The following FSTL4 variants were observed in gnomAD, a reference collection of about 807,000 sequenced individuals.
FSTL4 encodes follistatin-related protein 4.
A neutral mutation model predicts 78.2 loss-of-function variants in FSTL4; 28 were observed. The observed-to-expected ratio is 0.36, with a 90% CI of 0.27 to 0.49. The LOEUF (loss-of-function observed/expected upper bound fraction) is 0.49. FSTL4 is among the 20% of genes least tolerant of loss of function. The probability of loss-of-function intolerance (pLI) is 0.98; values close to 1 mark genes in which losing one functional copy is unlikely to be tolerated. For synonymous variants in FSTL4, 422 were observed against 440.5 expected (o/e 0.96, Z 0.53); for missense variants, 922 against 1,084.9 (o/e 0.85, Z 2.11).
At chr5:133,699,789 G>A in the FSTL4 span, among the ~76,000 whole-genome samples, 1 of 146,914 alleles carries the variant, frequency 6.8e-6, no homozygotes, top group African/African-American at 2.5e-5. Context: ...GCTGAGGCAG[G>A]AGAATGGCGT....
chr5:133,663,822 C>A, the FSTL4 span, among the ~76,000 whole-genome samples: 41 of 152,334 alleles, frequency 2.7e-4, 2 homozygotes, highest in Admixed American at 2.3e-3. Context: ...AGACCAGGGC[C>A]TTTGACAACT....
rs745876363 is a variant in FSTL4 at position 133,199,570 on chromosome 5, T to C, written c.2054A>G (p.Asn685Ser). The stretch of plus-strand genomic sequence containing the variant: ...GTGTGGGGTGCCTGTTACATCACCA[T>C]TGGGGCCAAGCACAGAGTCTGTGAC... ...DSVTDSVLGPNGDVTGTPHTS... is the reference protein window; with the variant it reads ...DSVTDSVLGPSGDVTGTPHTS... The change falls in exon 16 of 16, where the codon AAT (asparagine) becomes AGT (serine). Residue 685 changes from asparagine to serine, a missense_variant. Coordinates refer to ENST00000265342, the MANE Select transcript of FSTL4 (RefSeq NM_015082.2). The surrounding 1 kb of genome is among the most constrained non-coding windows in gnomAD (Gnocchi z 4.4). 54 of 1,613,988 alleles carry C rather than the reference T, an allele frequency of 3.3e-5. No homozygotes were observed. The highest frequency in any genetic ancestry group is 5.5e-5 in the South Asian group (5 of 91,078).
chr5:133,341,884 C>T (rs2126918966), intron 4 of FSTL4, among the ~76,000 whole-genome samples: 1 of 152,314 alleles, frequency 6.6e-6, no homozygotes, highest in South Asian at 2.1e-4. Context: ...CAATGTATGA[C>T]AGTCAACCCC....
At chr5:133,656,850 C>G in the FSTL4 span, among the ~76,000 whole-genome samples, 1 of 152,056 alleles carries the variant, frequency 6.6e-6, no homozygotes, top group Non-Finnish European at 1.5e-5. Context: ...GAAAGAAGAC[C>G]AGGAAGGAGA....
At chr5:133,469,943 GA>G (rs145777254) in intron 3 of FSTL4, among the ~76,000 whole-genome samples, 7 of 147,798 alleles carry the variant, frequency 4.7e-5, no homozygotes, top group South Asian at 2.2e-4. Context: ...CTCTTATGCA[GA>G]AAAAAAAAAC....
the FSTL4 span, among the ~76,000 whole-genome samples, chr5:133,840,696 C>T: frequency 6.6e-6 from 1 of 152,164 alleles, no homozygotes; most frequent in Non-Finnish European, 1.5e-5. Context: ...GCCAGAGCTA[C>T]CAGGCTAAAA....
At chr5:133,205,657 C>T (rs1234100045) in intron 14 of FSTL4, among the ~76,000 whole-genome samples, 1 of 152,100 alleles carries the variant, frequency 6.6e-6, no homozygotes, top group Admixed American at 6.5e-5. Context: ...TCAGCTTTTC[C>T]CAAACAAAAC....
chr5:133,717,909 T>A, the FSTL4 span, among the ~76,000 whole-genome samples: 1 of 152,222 alleles, frequency 6.6e-6, no homozygotes, highest in Non-Finnish European at 1.5e-5. Context: ...GGTAAACATG[T>A]GTTCATTTCA....
the FSTL4 span, among the ~76,000 whole-genome samples, chr5:133,742,365 C>T: frequency 6.6e-6 from 1 of 152,198 alleles, no homozygotes; most frequent in Non-Finnish European, 1.5e-5. Context: ...CAGACATTTA[C>T]AACCACAAGG....
At chr5:133,454,199 T>A (rs1283371748) in intron 3 of FSTL4, among the ~76,000 whole-genome samples, 1 of 152,176 alleles carries the variant, frequency 6.6e-6, no homozygotes, top group African/African-American at 2.4e-5. Flanking sequence ...AACTAGGACA[T>A]AAAAATTACA....
intron 6 of FSTL4, among the ~76,000 whole-genome samples, chr5:133,265,185 T>G (rs1021808877): frequency 6.6e-6 from 1 of 152,014 alleles, no homozygotes; most frequent in African/African-American, 2.4e-5. Flanking sequence ...GGGAGCGGGC[T>G]CCTCTGCCTG....
chr5:133,350,953 A>T (rs1754808366), intron 4 of FSTL4, among the ~76,000 whole-genome samples: 1 of 152,252 alleles, frequency 6.6e-6, no homozygotes, highest in Non-Finnish European at 1.5e-5. Flanking sequence ...TGGGAAAGGT[A>T]GTTTCTTATC....
intron 7 of FSTL4, chr5:133,248,755 C>G (rs2126821640): frequency 1.3e-5 from 2 of 152,546 alleles, no homozygotes; most frequent in South Asian, 4.1e-4. Flanking sequence ...GCTGCATGAG[C>G]TCAGTTGCTT....
In FSTL4 at chr5:133,259,932, G is replaced by A. The variant is rs562644686; in HGVS notation, c.728-10356C>T. Reference sequence around the variant, plus strand: ...GTCCAGGGACCCCACACAACATTGAGGTCCCATCTTTGTCTTGATGATAAC... The same window carrying A: ...GTCCAGGGACCCCACACAACATTGAAGTCCCATCTTTGTCTTGATGATAAC... On this transcript the variant is annotated intron_variant, in intron 6 of 15. Transcript: ENST00000265342. Among the ~76,000 whole-genome samples the A allele has an allele frequency of 2.0e-5, 3 of 152,230 alleles. No individual in the cohort carries two copies. In the South Asian group the frequency reaches 6.2e-4, roughly 32 times the overall value.
chr5:133,744,885 G>C, the FSTL4 span, among the ~76,000 whole-genome samples: 3 of 152,168 alleles, frequency 2.0e-5, no homozygotes, highest in African/African-American at 7.2e-5. Context: ...TGAATGTATT[G>C]AAAAGTAAAG....
At chr5:133,573,803 G>A (rs1190911965) in intron 2 of FSTL4, among the ~76,000 whole-genome samples, 1 of 152,118 alleles carries the variant, frequency 6.6e-6, no homozygotes, top group African/African-American at 2.4e-5. Flanking sequence ...TATAAAAATT[G>A]GCCGTATGCT....
At chr5:133,635,343 T>TAACA in the FSTL4 span, among the ~76,000 whole-genome samples, 25 of 152,354 alleles carry the variant, frequency 1.6e-4, no homozygotes, top group African/African-American at 6.0e-4. Flanking sequence ...ACATGCTTAA[T>TAACA]AACAGTAGGT....
Position 133,201,012 on chromosome 5 carries a change from C to T in FSTL4, c.1826+921G>A, listed in dbSNP as rs553892764. On this transcript the variant is annotated intron_variant, in intron 15 of 15. Transcript: ENST00000265342. The stretch of plus-strand genomic sequence containing the variant: ...TCATCATTTAATATACTCTTAGAGG[C>T]TCTTGCACAGGCTCTCTCTGCAGTG... 3.3e-5 allele frequency among the ~76,000 whole-genome samples: 5 copies of T among 152,304 alleles called. No homozygotes were observed. In the East Asian group the frequency reaches 9.7e-4, roughly 29 times the overall value.
At chr5:133,805,122 C>T in the FSTL4 span, among the ~76,000 whole-genome samples, 5 of 151,780 alleles carry the variant, frequency 3.3e-5, no homozygotes, top group Non-Finnish European at 7.4e-5. Flanking sequence ...TCTTCAGACT[C>T]AGTACTCCTT....
Sources: allele counts gnomAD v4.1 joint callset (sites outside exome capture counted in the v4.1 genomes callset), GRCh38; gene constraint gnomAD v4.1.1; non-coding constraint Gnocchi (gnomAD v3.1); transcripts MANE v1.5; gene names NCBI Gene and HGNC (gene_info 2026-07-23, HGNC 2026-07-21).